The following REEP3 variants were observed in gnomAD, a reference collection of about 807,000 sequenced individuals.
REEP3 encodes the protein receptor expression-enhancing protein 3.
Under a neutral mutation model 41.3 loss-of-function variants are expected in REEP3, and 20 were observed. That is an observed-to-expected ratio of 0.48 (90% CI 0.34 to 0.70). REEP3 has a LOEUF of 0.70. REEP3 is among the 30% of genes least tolerant of loss of function. The probability of loss-of-function intolerance (pLI) is 0.01; values close to 1 mark genes in which losing one functional copy is unlikely to be tolerated. For synonymous variants in REEP3, 104 were observed against 101.8 expected (o/e 1.02, Z -0.13); for missense variants, 271 against 308.8 (o/e 0.88, Z 0.92).
chr10:63,573,098 C>T (rs142518742), intron 2 of REEP3, among the ~76,000 whole-genome samples: 2,353 of 152,322 alleles, frequency 0.015, 29 homozygotes, highest in Non-Finnish European at 0.022. Flanking sequence ...TTCCCACCCC[C>T]AACTACTACC....
At position 63,527,983 on chromosome 10, in the gene REEP3, C is replaced by T. The variant is rs1249463208; in HGVS notation, c.32+6406C>T. 2.7e-5 allele frequency among the ~76,000 whole-genome samples: 4 copies of T among 149,820 alleles called. 1 individual carries two copies. The highest frequency in any genetic ancestry group is 4.2e-4 in the South Asian group (2 of 4,744). On this transcript the variant is annotated intron_variant, in intron 1 of 7. Coordinates refer to ENST00000373758, the MANE Select transcript of REEP3 (RefSeq NM_001001330.3). ...TTTTTTTTTTGTTTTTGTAACTCAA[C>T]GGCCACTCCCTTCTCAGCCTACCTG...
intron 2 of REEP3, 48 bp downstream of exon 2, chr10:63,566,458 A>G: frequency 1.9e-6 from 2 of 1,052,764 alleles, no homozygotes. Flanking sequence ...TATTTTAATG[A>G]TACACACTGA....
chr10:63,566,132 C>A (rs890623694), intron 1 of REEP3, among the ~76,000 whole-genome samples: 44 of 152,246 alleles, frequency 2.9e-4, no homozygotes, highest in African/African-American at 1.1e-3. Flanking sequence ...GATCCACCTG[C>A]CTCGACCTCC....
chr10:63,551,969 C>T lies in REEP3; in HGVS notation c.33-14369C>T, dbSNP rs1338526646. Among the ~76,000 whole-genome samples, 4 of 152,274 alleles carry T rather than the reference C, an allele frequency of 2.6e-5. 1 individual carries two copies. In the South Asian group the frequency reaches 6.2e-4, roughly 24 times the overall value. The stretch of plus-strand genomic sequence containing the variant: ...GGGAACTATCTGTACTATCTTCACA[C>T]TTTTTCTGCAAAACTGTTCTAAAAT... On this transcript the variant is annotated intron_variant, in intron 1 of 7. Coordinates refer to ENST00000373758, the MANE Select transcript of REEP3 (RefSeq NM_001001330.3).
In REEP3 at chr10:63,531,979, GA is replaced by G. The variant is rs1237984500; in HGVS notation, c.32+10407del. On this transcript the variant is annotated intron_variant, in intron 1 of 7. Transcript: ENST00000373758. ...TTACAGAGAATTTCTAAAAATTGAT[GA>G]AAAATACTGATATAGTACACTTTGC... 2.0e-5 allele frequency among the ~76,000 whole-genome samples: 3 copies of G among 152,146 alleles called. No homozygotes were observed. In the East Asian group the frequency reaches 5.8e-4, roughly 29 times the overall value.
chr10:63,613,948 G>A (rs184351757), intron 6 of REEP3, among the ~76,000 whole-genome samples: 291 of 152,076 alleles, frequency 1.9e-3, no homozygotes, highest in Middle Eastern at 3.4e-3. Flanking sequence ...AAAACATAAT[G>A]GAATAGTTTT....
intron 1 of REEP3, among the ~76,000 whole-genome samples, chr10:63,543,896 C>A (rs1482681522): frequency 6.6e-6 from 1 of 152,094 alleles, no homozygotes; most frequent in Non-Finnish European, 1.5e-5. Flanking sequence ...ATGTTCACAG[C>A]AAGATGTGTA....
rs1206181311 is a variant in REEP3 at position 63,621,479 on chromosome 10, A to C, written c.*610A>C. 1.3e-5 allele frequency: 2 copies of C among 152,474 alleles called. No individual in the cohort carries two copies. Among genetic ancestry groups the C allele is most frequent in the Non-Finnish European group, 2.9e-5 (2 of 67,988 alleles). The allele number at this position is 152,474 out of a possible 1,614,324, so 9.4% of individuals were successfully genotyped here. A position where few individuals can be genotyped will look rare whatever the true frequency, so the allele number is the denominator to read the frequency against. ...TTGCACACTTGAAAATTGTTTACTTATTTTACAACTGTTTTACTGATGCTA... is the reference window on the plus strand; with the variant it reads ...TTGCACACTTGAAAATTGTTTACTTCTTTTACAACTGTTTTACTGATGCTA... On this transcript the variant is annotated 3_prime_UTR_variant, in exon 8 of 8. Coordinates refer to ENST00000373758, the MANE Select transcript of REEP3 (RefSeq NM_001001330.3).
intron 1 of REEP3, among the ~76,000 whole-genome samples, chr10:63,528,636 A>G (rs1294260513): frequency 6.6e-6 from 1 of 152,182 alleles, no homozygotes; most frequent in Admixed American, 6.5e-5. Flanking sequence ...GGTCCTTATG[A>G]TGGTCTACAA....
chr10:63,571,498 G>A (rs1455184206), intron 2 of REEP3, among the ~76,000 whole-genome samples: 2 of 152,072 alleles, frequency 1.3e-5, no homozygotes, highest in East Asian at 1.9e-4. Flanking sequence ...ACCTCTTCAT[G>A]CTGCCATCTC....
At chr10:63,521,621 G>A (rs1480576013) in intron 1 of REEP3, 44 bp downstream of exon 1, 1 of 1,354,862 alleles carries the variant, frequency 7.4e-7, no homozygotes, top group African/African-American at 1.5e-5. Context: ...CGAGGCCCAG[G>A]GGAGCTGTGG....
At chr10:63,546,492 G>A (rs1017232081) in intron 1 of REEP3, among the ~76,000 whole-genome samples, 2 of 152,200 alleles carry the variant, frequency 1.3e-5, no homozygotes, top group Admixed American at 1.3e-4. Context: ...TTTATAAAAT[G>A]TATATGGAAA....
chr10:63,521,763 C>T (rs1328052023), intron 1 of REEP3, 186 bp downstream of exon 1: 9 of 355,864 alleles, frequency 2.5e-5, no homozygotes, highest in Non-Finnish European at 4.0e-5. Context: ...TGCGGAGCTC[C>T]CTGCGACGGC....
intron 5 of REEP3, among the ~76,000 whole-genome samples, chr10:63,603,340 C>T (rs1363878754): frequency 1.3e-5 from 2 of 150,310 alleles, no homozygotes; most frequent in African/African-American, 4.9e-5. Flanking sequence ...AAAAAGACCC[C>T]ACCCATTACC....
At chr10:63,562,598 G>A (rs372427547) in intron 1 of REEP3, 101 of 456,460 alleles carry the variant, frequency 2.2e-4, no homozygotes, top group African/African-American at 1.9e-3. Context: ...TAGTTGGTAA[G>A]TATAAAATCC....
rs368529595 is a variant in REEP3, at chr10:63,590,329, G to A, written c.106-4449G>A. Among the ~76,000 whole-genome samples, 21 of 152,292 alleles carry A rather than the reference G, an allele frequency of 1.4e-4. 1 individual carries two copies. The highest frequency in any genetic ancestry group is 5.8e-4 in the East Asian group (3 of 5,184). ...CTATTCCCATGCCATGAGGCAGGTA[G>A]GATTTGCTTACAGTTGAATCAGTGA... On this transcript the variant is annotated intron_variant, in intron 2 of 7. Coordinates refer to ENST00000373758, the MANE Select transcript of REEP3 (RefSeq NM_001001330.3).
chr10:63,567,188 A>G (rs577764378), intron 2 of REEP3, among the ~76,000 whole-genome samples: 4 of 151,908 alleles, frequency 2.6e-5, no homozygotes, highest in Non-Finnish European at 1.5e-5. Flanking sequence ...ATCAATAACT[A>G]TGCCTCTTTT....
intron 1 of REEP3, among the ~76,000 whole-genome samples, chr10:63,527,953 GTTTT>G (rs59473384): frequency 7.1e-6 from 1 of 139,956 alleles, no homozygotes. Context: ...GCTTTTTTTT[GTTTT>G]TTTTTTTTTT....
chr10:63,566,845 A>G (rs1210625640), intron 2 of REEP3, among the ~76,000 whole-genome samples: 3 of 152,124 alleles, frequency 2.0e-5, no homozygotes, highest in Admixed American at 2.0e-4. Flanking sequence ...ACCACTGACA[A>G]CTGCAGTCTT....
Sources: gnomAD v4.1 joint callset for allele counts (sites outside exome capture counted in the v4.1 genomes callset) on GRCh38, gnomAD v4.1.1 for gene constraint, MANE v1.5 for transcripts, NCBI Gene and HGNC (gene_info 2026-07-23, HGNC 2026-07-21) for gene names.